Variants in SIRPG observed in about 807,000 individuals in gnomAD.
SIRPG encodes the protein signal regulatory protein gamma, also known as signal-regulatory protein gamma.
A neutral mutation model predicts 35.7 loss-of-function variants in SIRPG; 38 were observed. That is an observed-to-expected ratio of 1.06 (90% CI 0.82 to 1.40). The LOEUF is 1.40. Ranked by LOEUF, SIRPG falls within the 40% of genes most tolerant of loss-of-function variation. The pLI is 0.00. For missense variants in SIRPG, 519 were observed against 483.0 expected, an observed-to-expected ratio of 1.07 and a Z score of -0.70; for synonymous variants, 215 against 190.4, an observed-to-expected ratio of 1.13 and a Z score of -1.06.
chr20:1,655,518 A>G (rs1178980397), intron 1 of SIRPG, among the ~76,000 whole-genome samples: 3 of 152,132 alleles, frequency 2.0e-5, no homozygotes, highest in African/African-American at 7.2e-5. Flanking sequence ...ATCGGGGGCT[A>G]GAGAGGGGGT....
chr20:1,667,315 T>C, the SIRPG span, among the ~76,000 whole-genome samples: 1 of 152,296 alleles, frequency 6.6e-6, no homozygotes, highest in South Asian at 2.1e-4. Flanking sequence ...GGCCTAGGTG[T>C]GTAGTATGTA....
chr20:1,660,648 T>C (rs1426569791), upstream of SIRPG, among the ~76,000 whole-genome samples: 3 of 152,140 alleles, frequency 2.0e-5, no homozygotes, highest in African/African-American at 7.2e-5. Context: ...AGAATTGAAA[T>C]TTAAATTTAG....
At chr20:1,681,151 GA>G in the SIRPG span, among the ~76,000 whole-genome samples, 1 of 145,304 alleles carries the variant, frequency 6.9e-6, no homozygotes, top group African/African-American at 2.5e-5. Flanking sequence ...AGTTGGTGAA[GA>G]AAAAATCAAT....
chr20:1,684,925 C>T, the SIRPG span, among the ~76,000 whole-genome samples: 1 of 152,162 alleles, frequency 6.6e-6, no homozygotes, highest in Non-Finnish European at 1.5e-5. Context: ...AGGAAGAGCT[C>T]AATTGCTGAA....
In SIRPG at chr20:1,629,366, C is replaced by T. The variant is rs2091731321; in HGVS notation, c.*273G>A. On this transcript the variant is annotated 3_prime_UTR_variant, in exon 6 of 6. Coordinates refer to ENST00000303415, the MANE Select transcript of SIRPG (RefSeq NM_018556.4). ...GTGTTTAGATTTGGCATGTTTCTCG[C>T]CTTCTAGGGAGGTGCCGTTAAGTCA... 1 of 152,226 alleles carries T rather than the reference C, an allele frequency of 6.6e-6. No individual in the cohort carries two copies. Among genetic ancestry groups the T allele is most frequent in the African/African-American group, 2.4e-5 (1 of 41,344 alleles). 9.4% of individuals were successfully genotyped at this position (152,226 alleles called of 1,614,324 possible).
the SIRPG span, among the ~76,000 whole-genome samples, chr20:1,682,325 G>A: frequency 6.6e-6 from 1 of 152,174 alleles, no homozygotes; most frequent in Non-Finnish European, 1.5e-5. Context: ...ATAGTCAAGT[G>A]AGATTTATCC....
chr20:1,664,919 C>G, the SIRPG span, among the ~76,000 whole-genome samples: 2 of 113,192 alleles, frequency 1.8e-5, no homozygotes, highest in East Asian at 6.1e-4. Context: ...CAGCATTACT[C>G]TACAGTGGGA....
the SIRPG span, among the ~76,000 whole-genome samples, chr20:1,685,110 T>G: frequency 0.14 from 22,022 of 152,098 alleles, 2,592 homozygotes; most frequent in East Asian, 0.59. Flanking sequence ...GAGTAGGGTG[T>G]GAGGACAGGC....
At position 1,636,203 on chromosome 20, in the gene SIRPG, A is replaced by G. The variant is rs1311830350; in HGVS notation, c.733T>C (p.Ser245Pro). The G allele has an allele frequency of 1.9e-6, 3 of 1,614,126 alleles. No homozygotes were observed. The highest frequency in any genetic ancestry group is 2.5e-6 in the Non-Finnish European group (3 of 1,179,990). ...GDPLRGTANL[S>P]EAIRVPPTLE... ...GGTCCTCTACCTCGGATGGCCTCAG[A>G]CAAGTTGGCAGTCCCACGAAGAGGG... The change falls in exon 3 of 6, where the codon TCT becomes CCT. Residue 245 changes from serine to proline, a missense_variant. Ser to Pro is a moderately conservative substitution (Grantham distance 74). Transcript: ENST00000303415.
chr20:1,650,004 G>GTGTATATATATATATATATA (rs774462534), intron 1 of SIRPG, among the ~76,000 whole-genome samples: 117 of 98,792 alleles, frequency 1.2e-3, no homozygotes, highest in African/African-American at 4.6e-3. Context: ...TTTGAAGTGT[G>GTGTATATATATATATATATA]TATATATATA....
rs547549347 is a variant in SIRPG, at chr20:1,635,497, G to C, written c.851C>G (p.Thr284Ser). ...RKFYPQSLQL[T>S]WSENGNVCQR... ...GCACACGTTTCCATTCTCCGACCAG[G>C]TCAGCTGTAGGCTCTGGGGGTAGAA... The change falls in exon 4 of 6, where the codon ACC becomes AGC. Residue 284 changes from threonine (T) to serine (S), a missense_variant. Coordinates refer to ENST00000303415, the MANE Select transcript of SIRPG (RefSeq NM_018556.4). 1.9e-6 allele frequency: 3 copies of C among 1,614,116 alleles called. No individual in the cohort carries two copies. The highest frequency in any genetic ancestry group is 2.5e-6 in the Non-Finnish European group (3 of 1,179,988).
At position 1,636,423 on chromosome 20, in the gene SIRPG, A is replaced by G. The variant is rs2277761; in HGVS notation, c.513T>C (p.His171=). The change falls in exon 3 of 6, where the codon CAT becomes CAC. Residue 171 remains histidine, a synonymous_variant. Transcript: ENST00000303415. ...GGGTGATGTCTCTGGGAGAGAAGCC[A>G]TGGGACTCACAGGTGAAACTCACTG... ...EHTVSFTCES[H]GFSPRDITLK... The G allele has an allele frequency of 0.25, 403,113 of 1,614,080 alleles. 52,081 individuals carry two copies. Among genetic ancestry groups the G allele is most frequent in the Admixed American group, 0.37 (22,033 of 60,012 alleles).
intron 1 of SIRPG, among the ~76,000 whole-genome samples, chr20:1,657,323 A>T (rs1298316811): frequency 6.6e-6 from 1 of 152,206 alleles, no homozygotes; most frequent in Non-Finnish European, 1.5e-5. Flanking sequence ...AAAGAGGAGG[A>T]GGGCACACAA....
chr20:1,655,704 A>G (rs1466915787), intron 1 of SIRPG, among the ~76,000 whole-genome samples: 4 of 152,192 alleles, frequency 2.6e-5, no homozygotes, highest in Non-Finnish European at 5.9e-5. Flanking sequence ...ATAAATATGT[A>G]AGGTAATGCA....
At chr20:1,642,933 G>A (rs1017985394) in intron 2 of SIRPG, among the ~76,000 whole-genome samples, 3 of 152,120 alleles carry the variant, frequency 2.0e-5, no homozygotes, top group Non-Finnish European at 4.4e-5. Context: ...TCTGCTAATA[G>A]TTGTTCTGTT....
chr20:1,636,150 C>T (rs760591833), intron 3 of SIRPG, 38 bp downstream of exon 3: 1 of 1,609,784 alleles, frequency 6.2e-7, no homozygotes, highest in Non-Finnish European at 8.5e-7. Flanking sequence ...GGCTTGACAG[C>T]CAGGTGTGGG....
intron 2 of SIRPG, among the ~76,000 whole-genome samples, chr20:1,645,713 G>A (rs140887029): frequency 1.4e-4 from 21 of 152,340 alleles, no homozygotes; most frequent in African/African-American, 4.1e-4. Flanking sequence ...AGGTCACAGA[G>A]CTAGAAAATG....
the SIRPG span, among the ~76,000 whole-genome samples, chr20:1,668,627 A>G: frequency 2.0e-5 from 3 of 152,204 alleles, no homozygotes; most frequent in African/African-American, 7.2e-5. Flanking sequence ...AATTAAAACC[A>G]ATTTTAGCTC....
At chr20:1,643,616 G>A (rs1276395545) in intron 2 of SIRPG, among the ~76,000 whole-genome samples, 1 of 152,170 alleles carries the variant, frequency 6.6e-6, no homozygotes, top group Admixed American at 6.5e-5. Flanking sequence ...ACCCCTGCTG[G>A]AGACTCATTG....
Sources: gnomAD v4.1 joint callset for allele counts (sites outside exome capture counted in the v4.1 genomes callset) on GRCh38, gnomAD v4.1.1 for gene constraint, MANE v1.5 for transcripts, NCBI Gene and HGNC (gene_info 2026-07-23, HGNC 2026-07-21) for gene names.